Variants in TRIM66 observed in about 807,000 individuals in gnomAD.
TRIM66 encodes tripartite motif-containing protein 66.
TRIM66 carries 99 observed loss-of-function variants against 148.2 expected under a neutral mutation model. The ratio of observed to expected loss-of-function variants is 0.67; its 90% confidence interval spans 0.57 to 0.79. The LOEUF is 0.79. Ranked by LOEUF, TRIM66 falls within the 30% of genes least tolerant of loss-of-function variation. TRIM66 has a pLI of 0.00. For synonymous variants in TRIM66, 616 were observed against 635.9 expected, an observed-to-expected ratio of 0.97 and a Z score of 0.47; for missense variants, 1,666 against 1,697.9, an observed-to-expected ratio of 0.98 and a Z score of 0.33.
chr11:8,643,002 A>C lies in TRIM66; in HGVS notation c.1222+7T>G. The C allele has an allele frequency of 6.5e-7, 1 of 1,548,288 alleles. No individual in the cohort carries two copies. The highest frequency in any genetic ancestry group is 8.7e-7 in the Non-Finnish European group (1 of 1,145,068). ...GGGTAGGCCTGGGTGGGTGGGTCCA[A>C]GCTCACCAAGAGAAGCTAGCTGCTT... On this transcript the variant is annotated splice_region_variant and intron_variant, in intron 13 of 24. Coordinates refer to ENST00000646038, the MANE Select transcript of TRIM66 (RefSeq NM_001388022.1).
intron 18 of TRIM66, among the ~76,000 whole-genome samples, chr11:8,622,336 C>CA (rs1467808403): frequency 2.7e-4 from 13 of 47,546 alleles, no homozygotes; most frequent in Non-Finnish European, 5.2e-4. Context: ...TACACACACA[C>CA]ACAACACACA....
intron 7 of TRIM66, 105 bp downstream of exon 7, chr11:8,651,694 AG>A (rs1211435959): frequency 3.3e-6 from 3 of 912,814 alleles, no homozygotes; most frequent in Admixed American, 2.0e-5. Flanking sequence ...CTGATGGAGA[AG>A]TAACAAATCA....
chr11:8,618,935 G>A lies in TRIM66; in HGVS notation c.3934C>T (p.Leu1312=), dbSNP rs2033935782. 3 of 1,551,296 alleles carry A rather than the reference G, an allele frequency of 1.9e-6. No homozygotes were observed. The highest frequency in any genetic ancestry group is 2.6e-6 in the Non-Finnish European group (3 of 1,146,956). ...AACCAGCCCTCAAAGAACACTTCCA[G>A]GCAGCGGCCAGCCTCTGCAACCTCG... is the stretch of plus-strand genomic sequence containing the variant. The part of the protein sequence containing the change: ...DSEVAEAGRC[L]EVFFEGWLKE... Residue 1312 remains leucine (L), a synonymous_variant, in exon 24 of 25, where the codon CTG becomes TTG. Transcript: ENST00000646038.
chr11:8,677,525 TC>T (rs1462722066), intron 3 of TRIM66, among the ~76,000 whole-genome samples: 4 of 152,154 alleles, frequency 2.6e-5, no homozygotes, highest in African/African-American at 9.7e-5. Context: ...ATGCCTGTAA[TC>T]CCAGTGCTTT....
chr11:8,671,925 G>A lies in TRIM66; in HGVS notation c.201C>T (p.Thr67=). Reference sequence around the variant, plus strand: ...GCAGGTCCTGATGGCACAATGAGCAGGTCATTACCATGGCCTCCATCTGTC... The same window carrying A: ...GCAGGTCCTGATGGCACAATGAGCAAGTCATTACCATGGCCTCCATCTGTC... ...KSGQMEAMVM[T]CSLCHQDLPG... The change falls in exon 6 of 25, where the codon ACC becomes ACT. Residue 67 remains threonine (T), a synonymous_variant. Transcript: ENST00000646038. 1 of 1,536,150 alleles carries A rather than the reference G, an allele frequency of 6.5e-7. No individual in the cohort carries two copies. Among genetic ancestry groups the A allele is most frequent in the Non-Finnish European group, 8.7e-7 (1 of 1,146,918 alleles).
chr11:8,661,137 T>C (rs921975343), intron 6 of TRIM66, among the ~76,000 whole-genome samples: 6 of 152,026 alleles, frequency 3.9e-5, no homozygotes, highest in African/African-American at 1.4e-4. Context: ...TCAGGAAAAA[T>C]ATCACTGTAG....
Position 8,617,860 on chromosome 11 carries a change from T to G in TRIM66, c.*84A>C, listed in dbSNP as rs960738629. 2 of 1,334,096 alleles carry G rather than the reference T, an allele frequency of 1.5e-6. No homozygotes were observed. The highest frequency in any genetic ancestry group is 2.1e-6 in the Non-Finnish European group (2 of 949,748). The allele number at this position is 1,334,096 out of a possible 1,614,324, so 82.6% of individuals were successfully genotyped here. A position where few individuals can be genotyped will look rare whatever the true frequency, so the allele number is the denominator to read the frequency against. On this transcript the variant is annotated 3_prime_UTR_variant, in exon 25 of 25. Transcript: ENST00000646038. ...CAAGACTCATCTACCATCCACACTC[T>G]GAAGAGGATAAGCTGCAAGATGGGG...
intron 10 of TRIM66, among the ~76,000 whole-genome samples, chr11:8,647,268 T>A (rs1197492848): frequency 6.6e-6 from 1 of 152,152 alleles, no homozygotes; most frequent in Admixed American, 6.6e-5. Flanking sequence ...ATACGTAGAT[T>A]ATATCTCAGT....
intron 6 of TRIM66, among the ~76,000 whole-genome samples, chr11:8,659,367 A>G (rs2038087258): frequency 6.6e-6 from 1 of 152,198 alleles, no homozygotes; most frequent in South Asian, 2.1e-4. Context: ...AAATAAGGGT[A>G]AAAATGGAAA....
intron 13 of TRIM66, among the ~76,000 whole-genome samples, chr11:8,642,503 G>A (rs1375343011): frequency 6.6e-6 from 1 of 152,114 alleles, no homozygotes; most frequent in Non-Finnish European, 1.5e-5. Flanking sequence ...GATTGCAGCA[G>A]GGAAGAAAAA....
chr11:8,626,576 A>G (rs1726174922), intron 15 of TRIM66, among the ~76,000 whole-genome samples: 1 of 152,038 alleles, frequency 6.6e-6, no homozygotes, highest in African/African-American at 2.4e-5. Context: ...ACATCTCTCA[A>G]ATATACCCAC....
intron 15 of TRIM66, 142 bp downstream of exon 15, chr11:8,638,512 G>C: frequency 1.1e-6 from 1 of 891,190 alleles, no homozygotes; most frequent in Non-Finnish European, 1.7e-6. Flanking sequence ...CACTACGGCA[G>C]AAGGCATGAA....
At position 8,632,119 on chromosome 11, in the gene TRIM66, C is replaced by T. The variant is rs188950612; in HGVS notation, c.2310+6535G>A. The stretch of plus-strand genomic sequence containing the variant: ...GGTCAGGAGTTCGAGACCAGCCTGA[C>T]CAACATGGCAAAACCCTGTCTCTAC... On this transcript the variant is annotated intron_variant, in intron 15 of 24. Coordinates refer to ENST00000646038, the MANE Select transcript of TRIM66 (RefSeq NM_001388022.1). Among the ~76,000 whole-genome samples the T allele has an allele frequency of 4.7e-3, 710 of 152,198 alleles. 6 individuals are homozygous for T. The highest frequency in any genetic ancestry group is 0.016 in the African/African-American group (683 of 41,530).
chr11:8,655,137 G>A (rs2037711330), intron 6 of TRIM66, among the ~76,000 whole-genome samples: 2 of 152,182 alleles, frequency 1.3e-5, no homozygotes, highest in African/African-American at 4.8e-5. Context: ...TGGGATTACA[G>A]GCATGAGCCA....
At chr11:8,682,989 TG>T, upstream of TRIM66, 1 of 944,946 alleles carries the variant, frequency 1.1e-6, no homozygotes, top group Non-Finnish European at 1.6e-6. Flanking sequence ...CGGAGCCGTG[TG>T]TTAGGCCCGC....
At chr11:8,624,228 AAAT>A in intron 17 of TRIM66, 128 bp downstream of exon 17, 1 of 1,050,798 alleles carries the variant, frequency 9.5e-7, no homozygotes, top group Non-Finnish European at 1.4e-6. Flanking sequence ...GGAGAGAAGT[AAAT>A]TCAGCCTCAG....
intron 18 of TRIM66, 48 bp from the exon 19 acceptor site, chr11:8,621,867 T>C (rs2034256051): frequency 6.8e-7 from 1 of 1,471,446 alleles, no homozygotes; most frequent in African/African-American, 1.4e-5. Flanking sequence ...CCTCCTCTGG[T>C]CCCAACCTCT....
In TRIM66 at chr11:8,681,323, C is replaced by A. The variant is rs934027921; in HGVS notation, c.-547-1260G>T. Among the ~76,000 whole-genome samples the A allele has an allele frequency of 2.6e-5, 4 of 151,948 alleles. No individual in the cohort carries two copies. In the East Asian group the frequency reaches 7.8e-4, roughly 29 times the overall value. On this transcript the variant is annotated intron_variant, in intron 1 of 24. Coordinates refer to ENST00000646038, the MANE Select transcript of TRIM66 (RefSeq NM_001388022.1). ...TAATTTTTTGTATTTTTAGTAGAGA[C>A]GGGGTTTCACCGTGTTAGCCAGGAT...
chr11:8,625,880 T>C (rs1035444389), intron 15 of TRIM66, among the ~76,000 whole-genome samples: 5 of 152,286 alleles, frequency 3.3e-5, no homozygotes, highest in South Asian at 4.1e-4. Flanking sequence ...CAAGCACTAC[T>C]AGCATTTGAT....
Sources: allele counts gnomAD v4.1 joint callset (sites outside exome capture counted in the v4.1 genomes callset), GRCh38; gene constraint gnomAD v4.1.1; transcripts MANE v1.5; gene names NCBI Gene and HGNC (gene_info 2026-07-23, HGNC 2026-07-21).